The following PLCE1 variants were observed in gnomAD, a reference collection of about 807,000 sequenced individuals.
The protein encoded by PLCE1 is 1-phosphatidylinositol 4,5-bisphosphate phosphodiesterase epsilon-1.
In PLCE1, 119 loss-of-function variants were observed where a neutral mutation model predicts 242.8. The observed-to-expected ratio is 0.49, with a 90% CI of 0.42 to 0.57. The LOEUF is 0.57. Ranked by LOEUF, PLCE1 falls within the 20% of genes least tolerant of loss-of-function variation. PLCE1 has a pLI of 0.00. For synonymous variants in PLCE1, 945 were observed against 1,017.4 expected (o/e 0.93, Z 1.35); for missense variants, 2,441 against 2,788.8 (o/e 0.88, Z 2.81).
chr10:94,171,848 T>C (rs1476604373), intron 4 of PLCE1, among the ~76,000 whole-genome samples: 1 of 152,054 alleles, frequency 6.6e-6, no homozygotes, highest in East Asian at 1.9e-4. Flanking sequence ...CATGTCTCAA[T>C]TTTGAGTTTT....
intron 4 of PLCE1, among the ~76,000 whole-genome samples, chr10:94,223,039 T>C (rs2049809216): frequency 6.6e-6 from 1 of 151,272 alleles, no homozygotes; most frequent in African/African-American, 2.4e-5. Flanking sequence ...AAACCTGGGG[T>C]CCAGGGCAGG....
At chr10:94,136,502 G>T (rs931562992) in intron 3 of PLCE1, among the ~76,000 whole-genome samples, 1 of 152,100 alleles carries the variant, frequency 6.6e-6, no homozygotes, top group East Asian at 1.9e-4. Flanking sequence ...GAACCGAAAC[G>T]CTCCTCTTCT....
At chr10:94,230,389 A>G (rs745842568) in intron 5 of PLCE1, among the ~76,000 whole-genome samples, 22 of 152,152 alleles carry the variant, frequency 1.4e-4, no homozygotes, top group South Asian at 6.2e-4. Context: ...CAGTGGTGCA[A>G]TCTTCGCTCA....
Position 94,227,479 on chromosome 10 carries a change from T to G in PLCE1, c.1955+28T>G, listed in dbSNP as rs201866618. 139 of 1,606,724 alleles carry G rather than the reference T, an allele frequency of 8.7e-5. No individual in the cohort carries two copies. In the African/African-American group the frequency reaches 1.7e-3, roughly 19 times the overall value. On this transcript the variant is annotated intron_variant, in intron 5 of 32. Coordinates refer to ENST00000371380, the MANE Select transcript of PLCE1 (RefSeq NM_016341.4). ...ATAGTCAGTGGGGAATATGGTTATC[T>G]TGGCACAATCGCTTCTCATCACCTG... is the stretch of plus-strand genomic sequence containing the variant.
chr10:94,286,637 T>G (rs1199028720), intron 22 of PLCE1, among the ~76,000 whole-genome samples: 1 of 152,214 alleles, frequency 6.6e-6, no homozygotes, highest in East Asian at 1.9e-4. Flanking sequence ...TTTAAACTTT[T>G]GGCAGCTGCT....
At chr10:94,149,534 C>A (rs145188355) in intron 3 of PLCE1, among the ~76,000 whole-genome samples, 1 of 152,318 alleles carries the variant, frequency 6.6e-6, no homozygotes, top group African/African-American at 2.4e-5. Context: ...GGTCCCAGAA[C>A]CATCAGAATC....
intron 2 of PLCE1, among the ~76,000 whole-genome samples, chr10:94,079,473 T>G (rs970760655): frequency 6.6e-6 from 1 of 152,014 alleles, no homozygotes; most frequent in East Asian, 1.9e-4. Context: ...AGGGGAGGGA[T>G]AGCATTAGGA....
At chr10:94,276,799 G>A (rs2051970089) in intron 19 of PLCE1, among the ~76,000 whole-genome samples, 1 of 152,176 alleles carries the variant, frequency 6.6e-6, no homozygotes, top group South Asian at 2.1e-4. Flanking sequence ...ACTGCCCACA[G>A]TATAATTTCC....
chr10:94,241,789 GA>G lies in PLCE1; in HGVS notation c.2421-4139del, dbSNP rs772085555. On this transcript the variant is annotated intron_variant, in intron 7 of 32. Coordinates refer to ENST00000371380, the MANE Select transcript of PLCE1 (RefSeq NM_016341.4). ...GCAACAGAGCAAGACTCCATCTCCA[GA>G]AAAAAAAAAAAAAAAAAGCCCCTCT... is the stretch of plus-strand genomic sequence containing the variant. 6.3e-3 allele frequency among the ~76,000 whole-genome samples: 422 copies of G among 67,112 alleles called. 1 individual carries two copies. Among genetic ancestry groups the G allele is most frequent in the Middle Eastern group, 0.024 (3 of 124 alleles). 44.0% of individuals were successfully genotyped at this position (67,112 alleles called of 152,430 possible).
At chr10:94,278,426 TCA>T (rs1449455602) in intron 19 of PLCE1, among the ~76,000 whole-genome samples, 5 of 152,200 alleles carry the variant, frequency 3.3e-5, no homozygotes, top group Non-Finnish European at 7.3e-5. Context: ...TCATTATACT[TCA>T]CAGTTGTCGC....
chr10:94,073,573 G>T (rs540166668), intron 2 of PLCE1, among the ~76,000 whole-genome samples: 3 of 152,270 alleles, frequency 2.0e-5, no homozygotes, highest in African/African-American at 7.2e-5. Context: ...ATAAATAGAA[G>T]CCAATCGATC....
intron 4 of PLCE1, among the ~76,000 whole-genome samples, chr10:94,211,914 AC>A (rs2049344794): frequency 6.6e-6 from 1 of 152,114 alleles, no homozygotes; most frequent in South Asian, 2.1e-4. Flanking sequence ...GCTCAGAGAG[AC>A]CCCTGTCAAT....
chr10:94,288,225 C>A (rs1212541759), intron 22 of PLCE1, among the ~76,000 whole-genome samples: 1 of 152,126 alleles, frequency 6.6e-6, no homozygotes, highest in Non-Finnish European at 1.5e-5. Flanking sequence ...CATCCCTCAC[C>A]TCCCTCCCAC....
At chr10:94,007,975 C>T (rs1235427526) in intron 1 of PLCE1, among the ~76,000 whole-genome samples, 1 of 149,816 alleles carries the variant, frequency 6.7e-6, no homozygotes, top group South Asian at 2.1e-4. Context: ...GCTAGGAGTT[C>T]GAGGCCAGCA....
intron 2 of PLCE1, among the ~76,000 whole-genome samples, chr10:94,101,433 A>C (rs1407164010): frequency 6.6e-6 from 1 of 152,260 alleles, no homozygotes; most frequent in Non-Finnish European, 1.5e-5. Flanking sequence ...TCAAAGAAGC[A>C]TTTAAGAAGA....
At chr10:94,019,374 A>G (rs1285754222) in intron 1 of PLCE1, among the ~76,000 whole-genome samples, 1 of 152,220 alleles carries the variant, frequency 6.6e-6, no homozygotes, top group Non-Finnish European at 1.5e-5. Context: ...GTATACATCT[A>G]TATAGCCACC....
chr10:94,195,945 A>T (rs573091256), intron 4 of PLCE1, among the ~76,000 whole-genome samples: 1 of 152,284 alleles, frequency 6.6e-6, no homozygotes, highest in Non-Finnish European at 1.5e-5. Context: ...AGGCCAGATG[A>T]TATCTAATGC....
chr10:94,159,438 A>C (rs1442224019), intron 3 of PLCE1, among the ~76,000 whole-genome samples: 2 of 151,356 alleles, frequency 1.3e-5, no homozygotes, highest in Non-Finnish European at 2.9e-5. Context: ...TTCTATAAGA[A>C]GAAATCAATA....
At chr10:94,193,960 A>C (rs567731070) in intron 4 of PLCE1, among the ~76,000 whole-genome samples, 5 of 152,302 alleles carry the variant, frequency 3.3e-5, no homozygotes, top group Non-Finnish European at 5.9e-5. Context: ...GTCTTTTTTT[A>C]AAGCATTTTT....
Sources: gnomAD v4.1 joint callset for allele counts (sites outside exome capture counted in the v4.1 genomes callset) on GRCh38, gnomAD v4.1.1 for gene constraint, MANE v1.5 for transcripts, NCBI Gene and HGNC (gene_info 2026-07-23, HGNC 2026-07-21) for gene names.